The following NHS variants were observed in gnomAD, a reference collection of about 807,000 sequenced individuals.
NHS encodes NHS actin remodeling regulator.
A neutral mutation model predicts 72.5 loss-of-function variants in NHS; 5 were observed. That is an observed-to-expected ratio of 0.07 (90% CI 0.04 to 0.14). The LOEUF is 0.14. NHS is among the 10% of genes least tolerant of loss of function. The probability of loss-of-function intolerance (pLI) is 1.00; values close to 1 mark genes in which losing one functional copy is unlikely to be tolerated. For synonymous variants in NHS, 464 were observed against 547.7 expected (o/e 0.85, Z 2.13); for missense variants, 1,072 against 1,355.7 (o/e 0.79, Z 3.29).
chrX:17,519,185 TA>T (rs113896045), intron 1 of NHS, among the ~76,000 whole-genome samples: 6,142 of 111,531 alleles, frequency 0.055, 464 homozygotes, highest in African/African-American at 0.19. Flanking sequence ...GAAATGGTTG[TA>T]AAAGCCATAC....
At chrX:17,663,584 C>A (rs993590211) in intron 1 of NHS, among the ~76,000 whole-genome samples, 4 of 112,269 alleles carry the variant, frequency 3.6e-5, no homozygotes, top group African/African-American at 1.3e-4. Flanking sequence ...TATTGCTAAG[C>A]AGTAATCCAT....
intron 1 of NHS, among the ~76,000 whole-genome samples, chrX:17,515,229 A>T (rs868163319): frequency 2.7e-4 from 30 of 111,979 alleles, no homozygotes; most frequent in African/African-American, 9.7e-4. Flanking sequence ...TCCATGCTTC[A>T]TGTGTTACTG....
intron 1 of NHS, among the ~76,000 whole-genome samples, chrX:17,443,025 C>A (rs1051097676): frequency 8.9e-6 from 1 of 111,834 alleles, no homozygotes; most frequent in Non-Finnish European, 1.9e-5. Flanking sequence ...TCAGGCCATG[C>A]CAGCAAGGCC....
At chrX:17,529,753 C>T (rs979634519) in intron 1 of NHS, among the ~76,000 whole-genome samples, 3 of 111,719 alleles carry the variant, frequency 2.7e-5, no homozygotes, top group African/African-American at 9.8e-5. Context: ...CATAGTAGCT[C>T]TTAAAAAGCA....
chrX:17,507,490 T>C (rs918716305), intron 1 of NHS, among the ~76,000 whole-genome samples: 4 of 112,154 alleles, frequency 3.6e-5, no homozygotes, highest in African/African-American at 9.7e-5. Flanking sequence ...AAATGAAGAA[T>C]GGCAAGACAT....
intron 1 of NHS, among the ~76,000 whole-genome samples, chrX:17,623,721 G>A (rs1035405423): frequency 4.5e-5 from 5 of 112,100 alleles, no homozygotes; most frequent in Non-Finnish European, 9.4e-5. Context: ...GGGCCTGCTG[G>A]TGAGGCCACA....
intron 1 of NHS, among the ~76,000 whole-genome samples, chrX:17,479,675 T>G (rs1159960077): frequency 8.9e-6 from 1 of 112,582 alleles, no homozygotes; most frequent in East Asian, 2.8e-4. Flanking sequence ...CATATGTTTG[T>G]TGGGCACATA....
chrX:17,604,854 T>G (rs1460042469), intron 1 of NHS, among the ~76,000 whole-genome samples: 1 of 112,041 alleles, frequency 8.9e-6, no homozygotes, highest in Non-Finnish European at 1.9e-5. Flanking sequence ...TCCCTCACAT[T>G]AGATAAATGA....
At chrX:17,605,089 G>C (rs954637703) in intron 1 of NHS, among the ~76,000 whole-genome samples, 2 of 111,768 alleles carry the variant, frequency 1.8e-5, no homozygotes, top group East Asian at 5.6e-4. Context: ...GACATAAAGG[G>C]GCATCTATTC....
intron 1 of NHS, among the ~76,000 whole-genome samples, chrX:17,449,980 A>G (rs1368484887): frequency 2.7e-5 from 3 of 112,063 alleles, no homozygotes; most frequent in African/African-American, 6.5e-5. Flanking sequence ...GTTTGAACAG[A>G]GAAACAAAGA....
intron 1 of NHS, among the ~76,000 whole-genome samples, chrX:17,663,806 G>T (rs768564112): frequency 7.2e-5 from 8 of 111,754 alleles, no homozygotes; most frequent in Non-Finnish European, 1.3e-4. Context: ...TTCAAAAATT[G>T]TATCAGTTTG....
intron 1 of NHS, among the ~76,000 whole-genome samples, chrX:17,589,904 T>C (rs1047906331): frequency 8.9e-6 from 1 of 112,081 alleles, no homozygotes; most frequent in Admixed American, 9.5e-5. Flanking sequence ...TATTGGATTG[T>C]GGTTTTGATT....
At chrX:17,556,434 G>A (rs1482349353) in intron 1 of NHS, among the ~76,000 whole-genome samples, 2 of 110,698 alleles carry the variant, frequency 1.8e-5, no homozygotes. Flanking sequence ...TGTGGAAAAG[G>A]GTCAATGTCA....
At chrX:17,719,624 C>T (rs769048730) in intron 4 of NHS, among the ~76,000 whole-genome samples, 1 of 109,899 alleles carries the variant, frequency 9.1e-6, no homozygotes, top group South Asian at 4.0e-4. Context: ...CACTGCCCCC[C>T]ACTCTGCAAA....
chrX:17,456,892 C>T (rs1422986137), intron 1 of NHS, among the ~76,000 whole-genome samples: 1 of 111,641 alleles, frequency 9.0e-6, no homozygotes, highest in Non-Finnish European at 1.9e-5. Context: ...GATGGGAAAA[C>T]CAAATAGGGT....
intron 1 of NHS, among the ~76,000 whole-genome samples, chrX:17,422,892 A>T (rs1291688145): frequency 8.9e-6 from 1 of 111,945 alleles, no homozygotes; most frequent in Non-Finnish European, 1.9e-5. Context: ...ATATTATGAA[A>T]AAAAGGTAGA....
chrX:17,720,877 A>G (rs776140882), intron 4 of NHS, among the ~76,000 whole-genome samples: 1 of 112,585 alleles, frequency 8.9e-6, no homozygotes, highest in South Asian at 3.6e-4. Context: ...AGTGTTCATG[A>G]AACTGAATTT....
intron 3 of NHS, among the ~76,000 whole-genome samples, chrX:17,697,573 C>A (rs945863779): frequency 8.9e-6 from 1 of 111,902 alleles, no homozygotes; most frequent in Non-Finnish European, 1.9e-5. Flanking sequence ...GAGGCATCTA[C>A]CACAGGACAA....
intron 1 of NHS, among the ~76,000 whole-genome samples, chrX:17,411,084 A>C (rs1271466579): frequency 8.9e-6 from 1 of 112,273 alleles, no homozygotes; most frequent in Admixed American, 9.4e-5. Context: ...TTGGCTAAGT[A>C]TCATAAAAGG....
Sources: gnomAD v4.1 joint callset for allele counts (sites outside exome capture counted in the v4.1 genomes callset) on GRCh38, gnomAD v4.1.1 for gene constraint, MANE v1.5 for transcripts, NCBI Gene and HGNC (gene_info 2026-07-23, HGNC 2026-07-21) for gene names.